The following IFFO2 variants were observed in gnomAD, a reference collection of about 807,000 sequenced individuals.
IFFO2 encodes intermediate filament family orphan 2.
A neutral mutation model predicts 53.5 loss-of-function variants in IFFO2; 19 were observed. That is an observed-to-expected ratio of 0.36 (90% confidence interval 0.25 to 0.52). The LOEUF (loss-of-function observed/expected upper bound fraction) is 0.52, where lower values mean the gene tolerates loss of function less well. IFFO2 is among the 20% of genes least tolerant of loss of function. The pLI is 0.94. For missense variants in IFFO2, 570 were observed against 727.4 expected (o/e 0.78, Z 2.49); for synonymous variants, 303 against 313.6 (o/e 0.97, Z 0.36).
In IFFO2 at chr1:18,917,200, G is replaced by A. The variant is rs1040007236; in HGVS notation, c.964-158C>T. On this transcript the variant is annotated intron_variant, in intron 4 of 8. Coordinates refer to ENST00000455833, the MANE Select transcript of IFFO2 (RefSeq NM_001136265.2). The surrounding 1 kb of genome is among the most constrained non-coding windows in gnomAD (Gnocchi z 5.9). ...GCAGGTCCTCTAAGAAGCAGGCGGC[G>A]TTAGCAGGAAGCGCGAGGTGGGAGA... 1.2e-4 allele frequency among the ~76,000 whole-genome samples: 18 copies of A among 152,324 alleles called. No homozygotes were observed. The highest frequency in any genetic ancestry group is 2.1e-4 in the South Asian group (1 of 4,828).
chr1:18,910,200 TGG>T (rs1936013733), intron 8 of IFFO2, 140 bp downstream of exon 8: 1 of 946,038 alleles, frequency 1.1e-6, no homozygotes, highest in East Asian at 2.7e-5. Context: ...GATGGATGGA[TGG>T]ATGGATGGAT....
Position 18,907,210 on chromosome 1 carries a change from C to G in IFFO2, c.*1351G>C, listed in dbSNP as rs1302404021. The stretch of plus-strand genomic sequence containing the variant: ...TAATAATAAAGCAAAGCCTGCTCAG[C>G]TGGCTCCAAGCTGAGATTTGGAAGG... On this transcript the variant is annotated 3_prime_UTR_variant, in exon 9 of 9. Transcript: ENST00000455833. The G allele has an allele frequency of 6.6e-6, 1 of 152,258 alleles. No homozygotes were observed. Among genetic ancestry groups the G allele is most frequent in the Non-Finnish European group, 1.5e-5 (1 of 68,050 alleles). 9.4% of individuals were successfully genotyped at this position (152,258 alleles called of 1,614,324 possible).
chr1:18,941,117 A>G (rs1029576914), intron 1 of IFFO2, among the ~76,000 whole-genome samples: 5 of 152,226 alleles, frequency 3.3e-5, no homozygotes, highest in African/African-American at 1.2e-4. Flanking sequence ...TCATCTGTAC[A>G]ATGGACATAC....
intron 1 of IFFO2, 73 bp downstream of exon 1, chr1:18,955,595 C>T: frequency 2.7e-6 from 4 of 1,486,922 alleles, no homozygotes; most frequent in Non-Finnish European, 3.6e-6. Context: ...GCCCCCGTCC[C>T]GCATACGCAT....
intron 7 of IFFO2, among the ~76,000 whole-genome samples, chr1:18,911,133 G>GCTC (rs1936028944): frequency 6.6e-6 from 1 of 152,102 alleles, no homozygotes; most frequent in Admixed American, 6.5e-5. Context: ...GTTATTATGG[G>GCTC]ATCATCTCAG....
At chr1:18,925,488 C>G (rs1936269949) in intron 1 of IFFO2, among the ~76,000 whole-genome samples, 2 of 152,312 alleles carry the variant, frequency 1.3e-5, no homozygotes, top group African/African-American at 4.8e-5. Context: ...TGGTCACCGC[C>G]ACTTCCACCT....
intron 1 of IFFO2, among the ~76,000 whole-genome samples, chr1:18,922,141 G>C (rs1465720995): frequency 6.6e-6 from 1 of 152,202 alleles, no homozygotes; most frequent in Admixed American, 6.5e-5. Context: ...CTGAAACCCA[G>C]GTGGGGACGC....
intron 1 of IFFO2, among the ~76,000 whole-genome samples, chr1:18,944,267 G>A (rs1936558290): frequency 1.3e-5 from 2 of 152,236 alleles, no homozygotes; most frequent in African/African-American, 2.4e-5. Flanking sequence ...GATTTTGCCT[G>A]GAAGCAGGAG....
intron 1 of IFFO2, among the ~76,000 whole-genome samples, chr1:18,944,639 C>CT (rs1226482557): frequency 3.3e-5 from 5 of 152,208 alleles, no homozygotes; most frequent in Non-Finnish European, 7.3e-5. Flanking sequence ...GGGCAATGAC[C>CT]TTAAGGGCTC....
At chr1:18,948,695 G>T (rs1294395277) in intron 1 of IFFO2, among the ~76,000 whole-genome samples, 4 of 152,186 alleles carry the variant, frequency 2.6e-5, no homozygotes, top group African/African-American at 9.7e-5. Flanking sequence ...TCACAGTCTG[G>T]CAATGCTCAA....
chr1:18,937,469 G>A (rs1363109716), intron 1 of IFFO2, among the ~76,000 whole-genome samples: 1 of 152,172 alleles, frequency 6.6e-6, no homozygotes. Context: ...GGAGTGTGGA[G>A]GCTGAGCACC....
Position 18,928,474 on chromosome 1 carries a change from T to C in IFFO2, c.666-7353A>G, listed in dbSNP as rs75985150. Among the ~76,000 whole-genome samples the C allele has an allele frequency of 2.4e-3, 371 of 152,292 alleles. 2 individuals carry two copies. Among genetic ancestry groups the C allele is most frequent in the African/African-American group, 8.6e-3 (357 of 41,550 alleles). ...GCAGGACGGAGCACAGGCTGTACAC[T>C]GAGGATGGGGGCCAGGTTTGAGAAG... On this transcript the variant is annotated intron_variant, in intron 1 of 8. Transcript: ENST00000455833. The surrounding 1 kb of genome is among the most constrained non-coding windows in gnomAD (Gnocchi z 4.9).
Position 18,916,865 on chromosome 1 carries a change from G to T in IFFO2, c.1103+38C>A. 1 of 1,548,156 alleles carries T rather than the reference G, an allele frequency of 6.5e-7. No individual in the cohort carries two copies. Among genetic ancestry groups the T allele is most frequent in the South Asian group, 1.2e-5 (1 of 83,762 alleles). ...TTCACCGCCCCTGTGCAAGCAATCCGGGGAAACGGAGAGTGTGCGGGCCAC... is the reference window on the plus strand; with the variant it reads ...TTCACCGCCCCTGTGCAAGCAATCCTGGGAAACGGAGAGTGTGCGGGCCAC... On this transcript the variant is annotated intron_variant, in intron 5 of 8. Transcript: ENST00000455833. The surrounding 1 kb of genome is among the most constrained non-coding windows in gnomAD (Gnocchi z 4.3).
intron 1 of IFFO2, among the ~76,000 whole-genome samples, chr1:18,923,991 G>A (rs528595514): frequency 2.0e-5 from 3 of 152,310 alleles, no homozygotes; most frequent in South Asian, 2.1e-4. Context: ...ATGATTTCAC[G>A]GGCTTTTTAT....
Position 18,917,065 on chromosome 1 carries a change from A to C in IFFO2, c.964-23T>G. 6.4e-7 allele frequency: 1 copy of C among 1,551,594 alleles called. No homozygotes were observed. The highest frequency in any genetic ancestry group is 1.7e-4 in the Middle Eastern group (1 of 5,996). ...CACCTGAACCGGAAAGGAAGCAATC[A>C]AGGTAACTGGGGGGCTCGGCTAGGA... is the stretch of plus-strand genomic sequence containing the variant. On this transcript the variant is annotated intron_variant, in intron 4 of 8. Transcript: ENST00000455833. The surrounding 1 kb of genome is among the most constrained non-coding windows in gnomAD (Gnocchi z 5.9).
chr1:18,942,612 C>A (rs943614396), intron 1 of IFFO2, among the ~76,000 whole-genome samples: 1 of 152,166 alleles, frequency 6.6e-6, no homozygotes, highest in Non-Finnish European at 1.5e-5. Context: ...AAGAGAAGGC[C>A]CAAATCACGG....
At chr1:18,911,595 G>A (rs1936041217) in intron 6 of IFFO2, 119 bp from the exon 7 acceptor site, 1 of 449,344 alleles carries the variant, frequency 2.2e-6, no homozygotes, top group African/African-American at 2.1e-5. Context: ...CTGGAGTGCA[G>A]AGGTATGATC....
chr1:18,920,388 G>A (rs1167764511), intron 2 of IFFO2, among the ~76,000 whole-genome samples: 2 of 152,202 alleles, frequency 1.3e-5, no homozygotes, highest in Admixed American at 6.5e-5. Flanking sequence ...TGTCTTAGAC[G>A]ACAAATGCTT....
chr1:18,911,935 C>T, intron 6 of IFFO2, 28 bp downstream of exon 6: 1 of 1,551,008 alleles, frequency 6.4e-7, no homozygotes, highest in Non-Finnish European at 8.7e-7. Context: ...CTAGTCCTGG[C>T]CTTTGGGAAG....
Sources: allele counts gnomAD v4.1 joint callset (sites outside exome capture counted in the v4.1 genomes callset), GRCh38; gene constraint gnomAD v4.1.1; non-coding constraint Gnocchi (gnomAD v3.1); transcripts MANE v1.5; gene names NCBI Gene and HGNC (gene_info 2026-07-23, HGNC 2026-07-21).